LTBP1: variants seen among roughly 807,000 people sequenced by gnomAD.
The protein encoded by LTBP1 is latent transforming growth factor beta binding protein 1, also known as latent-transforming growth factor beta-binding protein 1.
In LTBP1, 129 loss-of-function variants were observed where a neutral mutation model predicts 207.6. The ratio of observed to expected loss-of-function variants is 0.62; its 90% CI spans 0.54 to 0.72. The LOEUF (loss-of-function observed/expected upper bound fraction) is 0.72, where lower values mean the gene tolerates loss of function less well. Ranked by LOEUF, LTBP1 falls within the 30% of genes least tolerant of loss-of-function variation. The pLI is 0.00. For missense variants in LTBP1, 2,281 were observed against 2,217.2 expected (o/e 1.03, Z -0.58); for synonymous variants, 963 against 833.7 (o/e 1.16, Z -2.67).
In LTBP1 at chr2:33,186,338, G is replaced by A. The variant is rs533627714; in HGVS notation, c.1202-518G>A. 5.3e-5 allele frequency among the ~76,000 whole-genome samples: 8 copies of A among 152,120 alleles called. No homozygotes were observed. The South Asian group carries it at 8.3e-4, about 16-fold the overall frequency. ...ATGTTTTGATACAGGCATGCAATGC[G>A]TAATCACATCATGGAGAATGAGGTG... On this transcript the variant is annotated intron_variant, in intron 5 of 33. Coordinates refer to ENST00000404816, the MANE Select transcript of LTBP1 (RefSeq NM_206943.4).
chr2:33,092,676 T>C (rs908699513), intron 3 of LTBP1, among the ~76,000 whole-genome samples: 4 of 152,212 alleles, frequency 2.6e-5, no homozygotes, highest in Non-Finnish European at 4.4e-5. Context: ...ATCAGTAATT[T>C]ATCTTCAGTT....
intron 13 of LTBP1, among the ~76,000 whole-genome samples, chr2:33,261,629 A>G (rs1405992642): frequency 6.6e-6 from 1 of 152,166 alleles, no homozygotes; most frequent in Non-Finnish European, 1.5e-5. Context: ...GGAGGACTAA[A>G]AGGTGACTTT....
rs185110166 is a variant in LTBP1, at chr2:33,254,728, C to T, written c.2167+1884C>T. Among the ~76,000 whole-genome samples the T allele has an allele frequency of 2.1e-3, 294 of 140,052 alleles. 7 individuals are homozygous for T. The highest frequency in any genetic ancestry group is 8.0e-3 in the African/African-American group (278 of 34,632). The allele number at this position is 140,052 out of a possible 152,430, so 91.9% of individuals were successfully genotyped here. ...CGTCATTTAACATTAGGTATATCTC[C>T]TAATGCTATCCCTCCCGCCTCCCCC... On this transcript the variant is annotated intron_variant, in intron 11 of 33. Coordinates refer to ENST00000404816, the MANE Select transcript of LTBP1 (RefSeq NM_206943.4).
chr2:33,347,506 C>T lies in LTBP1; in HGVS notation c.3996C>T (p.Ser1332=), dbSNP rs777180114. The T allele has an allele frequency of 4.3e-6, 7 of 1,614,102 alleles. No homozygotes were observed. Among genetic ancestry groups the T allele is most frequent in the Non-Finnish European group, 5.9e-6 (7 of 1,180,024 alleles). Reference sequence around the variant, plus strand: ...CTGGGCAGTGCCGCTCCCGGACCTCCACAGGTAAGTCCCAGTGACACTGTG... The same window carrying T: ...CTGGGCAGTGCCGCTCCCGGACCTCTACAGGTAAGTCCCAGTGACACTGTG... ...PMTGQCRSRT[S]TDLDVDVDQP... Residue 1332 remains serine (S), a synonymous_variant, in exon 26 of 34, where the codon TCC becomes TCT. Coordinates refer to ENST00000404816, the MANE Select transcript of LTBP1 (RefSeq NM_206943.4).
At chr2:33,298,419 A>T (rs750565182) in intron 20 of LTBP1, among the ~76,000 whole-genome samples, 5 of 152,246 alleles carry the variant, frequency 3.3e-5, no homozygotes, top group African/African-American at 1.2e-4. Flanking sequence ...ACATCTTCAC[A>T]TGGGAATGCT....
At chr2:33,310,460 T>G (rs767015173) in intron 23 of LTBP1, among the ~76,000 whole-genome samples, 1 of 152,230 alleles carries the variant, frequency 6.6e-6, no homozygotes, top group Non-Finnish European at 1.5e-5. Flanking sequence ...TGCTGAGTAC[T>G]GTAGGTATCT....
intron 7 of LTBP1, among the ~76,000 whole-genome samples, chr2:33,216,229 A>G (rs1421412003): frequency 6.6e-6 from 1 of 152,210 alleles, no homozygotes; most frequent in East Asian, 1.9e-4. Flanking sequence ...TGGGGTAAAA[A>G]GGAGGGAGGA....
chr2:33,014,115 A>C (rs1688024062), intron 2 of LTBP1, among the ~76,000 whole-genome samples: 1 of 152,154 alleles, frequency 6.6e-6, no homozygotes, highest in Admixed American at 6.6e-5. Flanking sequence ...TTTCAAATAG[A>C]TTTTCATAAG....
At chr2:33,122,179 C>T (rs577152926) in intron 4 of LTBP1, among the ~76,000 whole-genome samples, 3 of 150,732 alleles carry the variant, frequency 2.0e-5, no homozygotes, top group South Asian at 2.1e-4. Flanking sequence ...GAGCTTCGTT[C>T]GAGAGGAATT....
rs563270016 is a variant in LTBP1, at chr2:33,014,726, T to C, written c.566-6183T>C. ...CTTCCTAAAAATACAATCACTGAACTTTTAAAGAACTCTAGGATCAGCTTG... is the reference window on the plus strand; with the variant it reads ...CTTCCTAAAAATACAATCACTGAACCTTTAAAGAACTCTAGGATCAGCTTG... On this transcript the variant is annotated intron_variant, in intron 2 of 33. Transcript: ENST00000404816. Among the ~76,000 whole-genome samples the C allele has an allele frequency of 1.1e-4, 16 of 152,340 alleles. No individual in the cohort carries two copies. In the East Asian group the frequency reaches 3.1e-3, roughly 29 times the overall value.
chr2:33,215,780 A>G (rs2090644421), intron 7 of LTBP1, among the ~76,000 whole-genome samples: 2 of 148,598 alleles, frequency 1.3e-5, no homozygotes, highest in Non-Finnish European at 3.0e-5. Context: ...GCAGTGGTGA[A>G]TCTGGGCTCA....
chr2:33,023,958 G>T (rs62135741), intron 3 of LTBP1, among the ~76,000 whole-genome samples: 11,832 of 152,276 alleles, frequency 0.078, 494 homozygotes, highest in Middle Eastern at 0.092. Context: ...ACCAGTAAAG[G>T]AGGAGATTGA....
intron 4 of LTBP1, among the ~76,000 whole-genome samples, chr2:33,130,829 C>A (rs775558586): frequency 6.6e-6 from 1 of 152,132 alleles, no homozygotes; most frequent in South Asian, 2.1e-4. Flanking sequence ...CCTCCAAAAC[C>A]CAAAGTTTTA....
At chr2:33,310,079 C>G (rs2094160706) in intron 23 of LTBP1, among the ~76,000 whole-genome samples, 1 of 151,956 alleles carries the variant, frequency 6.6e-6, no homozygotes, top group East Asian at 1.9e-4. Flanking sequence ...TCCTGAGTAG[C>G]TGGGATTACA....
At chr2:33,216,458 T>C (rs2090712027) in intron 7 of LTBP1, among the ~76,000 whole-genome samples, 1 of 152,146 alleles carries the variant, frequency 6.6e-6, no homozygotes, top group African/African-American at 2.4e-5. Flanking sequence ...AGAGATTGCC[T>C]TAGGTGGGAA....
At chr2:33,352,808 T>C (rs2094800019) in intron 26 of LTBP1, among the ~76,000 whole-genome samples, 2 of 152,132 alleles carry the variant, frequency 1.3e-5, no homozygotes, top group Non-Finnish European at 2.9e-5. Flanking sequence ...TTATCTTCTG[T>C]AATGTAAATG....
chr2:33,019,653 A>G (rs957673397), intron 2 of LTBP1, among the ~76,000 whole-genome samples: 1 of 148,858 alleles, frequency 6.7e-6, no homozygotes, highest in African/African-American at 2.5e-5. Flanking sequence ...CTAAACTTCT[A>G]AGGGACCTTG....
intron 2 of LTBP1, among the ~76,000 whole-genome samples, chr2:32,989,840 T>C (rs10181178): frequency 0.032 from 4,867 of 152,310 alleles, 260 homozygotes; most frequent in African/African-American, 0.11. Context: ...CATTGGTAAA[T>C]GGGGGTAATA....
At chr2:33,071,664 G>A (rs2077795537) in intron 3 of LTBP1, among the ~76,000 whole-genome samples, 1 of 152,190 alleles carries the variant, frequency 6.6e-6, no homozygotes, top group Admixed American at 6.5e-5. Context: ...AATCTGAGGG[G>A]CTTGAAATAA....
Sources: allele counts gnomAD v4.1 joint callset (sites outside exome capture counted in the v4.1 genomes callset), GRCh38; gene constraint gnomAD v4.1.1; transcripts MANE v1.5; gene names NCBI Gene and HGNC (gene_info 2026-07-23, HGNC 2026-07-21).